The following PIK3CB variants were observed in gnomAD, a reference collection of about 807,000 sequenced individuals.
The protein encoded by PIK3CB is phosphatidylinositol-4,5-bisphosphate 3-kinase catalytic subunit beta.
PIK3CB carries 39 observed loss-of-function variants against 136.8 expected under a neutral mutation model. The ratio of observed to expected loss-of-function variants is 0.29; its 90% confidence interval spans 0.22 to 0.37. PIK3CB has a LOEUF of 0.37. PIK3CB is among the 10% of genes least tolerant of loss of function. The probability of loss-of-function intolerance (pLI) is 1.00; values close to 1 mark genes in which losing one functional copy is unlikely to be tolerated. For synonymous variants in PIK3CB, 428 were observed against 436.6 expected (o/e 0.98, Z 0.25); for missense variants, 868 against 1,275.4 (o/e 0.68, Z 4.87).
At chr3:138,804,746 C>T (rs1270149085) in intron 1 of PIK3CB, among the ~76,000 whole-genome samples, 1 of 152,088 alleles carries the variant, frequency 6.6e-6, no homozygotes, top group Admixed American at 6.6e-5. Flanking sequence ...TCAGTATGGC[C>T]GGGAACGGTG....
At chr3:138,794,474 C>T (rs911943951) in intron 2 of PIK3CB, among the ~76,000 whole-genome samples, 1 of 152,112 alleles carries the variant, frequency 6.6e-6, no homozygotes, top group Admixed American at 6.6e-5. Flanking sequence ...CATGACATGG[C>T]AGGCAGTATG....
intron 20 of PIK3CB, 48 bp downstream of exon 20, chr3:138,664,984 ATTTG>A: frequency 1.5e-6 from 2 of 1,290,350 alleles, no homozygotes; most frequent in Non-Finnish European, 1.1e-6. Context: ...AGCATACAGT[ATTTG>A]TTTGGCTGTT....
At position 138,733,616 on chromosome 3, in the gene PIK3CB, C is replaced by T. The variant is rs557637419; in HGVS notation, c.973-178G>A. On this transcript the variant is annotated intron_variant, in intron 7 of 23. Coordinates refer to ENST00000674063, the MANE Select transcript of PIK3CB (RefSeq NM_006219.3). ...AGCATTGACCGGGCGCGGTGGCTCA[C>T]GCCTGTAATCCCAGCACTTTGGGAG... 1.1e-4 allele frequency among the ~76,000 whole-genome samples: 16 copies of T among 152,270 alleles called. No homozygotes were observed. The South Asian group carries it at 1.4e-3, about 14-fold the overall frequency.
intron 1 of PIK3CB, among the ~76,000 whole-genome samples, chr3:138,801,861 C>CAAAAAA (rs35232938): frequency 5.2e-5 from 3 of 57,288 alleles, no homozygotes; most frequent in Admixed American, 2.4e-4. Context: ...GACTCCATCT[C>CAAAAAA]AAAAAAAAAA....
chr3:138,790,034 T>C (rs1311846915), intron 2 of PIK3CB, among the ~76,000 whole-genome samples: 3 of 152,128 alleles, frequency 2.0e-5, no homozygotes, highest in Non-Finnish European at 4.4e-5. Context: ...TGCTACAAAA[T>C]GAATGAACCT....
chr3:138,691,040 C>A lies in PIK3CB; in HGVS notation c.1996G>T (p.Gly666Cys). ...LSRFLLERAL[G>C]NRRIGQFLFW... The stretch of plus-strand genomic sequence containing the variant: ...AGAAACTGCCCTATCCTCCGATTAC[C>A]AAGTGCTCTTTCTAATAGGAATCTA... The change falls in exon 15 of 24, where the codon GGT (glycine) becomes TGT (cysteine). Residue 666 changes from glycine (G) to cysteine (C), a missense_variant. Gly to Cys is a radical substitution (Grantham distance 159, BLOSUM62 -3). Around this residue, in one of 4 missense-constraint regions of PIK3CB, gnomAD observed 612 missense variants for 801.1 expected, o/e 0.76. Transcript: ENST00000674063. 1 of 1,613,014 alleles carries A rather than the reference C, an allele frequency of 6.2e-7. No individual in the cohort carries two copies. Among genetic ancestry groups the A allele is most frequent in the Non-Finnish European group, 8.5e-7 (1 of 1,179,114 alleles).
intron 15 of PIK3CB, among the ~76,000 whole-genome samples, chr3:138,689,198 G>A (rs1443148106): frequency 2.0e-5 from 3 of 151,750 alleles, no homozygotes; most frequent in African/African-American, 4.8e-5. Context: ...TCCACCCACC[G>A]GGTTCAAGCT....
intron 2 of PIK3CB, among the ~76,000 whole-genome samples, chr3:138,795,172 T>C (rs1308892216): frequency 6.7e-6 from 1 of 150,034 alleles, no homozygotes; most frequent in Non-Finnish European, 1.5e-5. Flanking sequence ...ATACAAAAAT[T>C]AGCCGACCAT....
At chr3:138,738,188 T>C (rs76658786) in intron 5 of PIK3CB, among the ~76,000 whole-genome samples, 5 of 152,144 alleles carry the variant, frequency 3.3e-5, no homozygotes, top group African/African-American at 9.7e-5. Context: ...CTTTTTTTTT[T>C]TGAGACAGAG....
At chr3:138,713,706 T>C (rs953436781) in intron 9 of PIK3CB, among the ~76,000 whole-genome samples, 2 of 151,968 alleles carry the variant, frequency 1.3e-5, no homozygotes, top group Non-Finnish European at 2.9e-5. Flanking sequence ...CAAATTAATA[T>C]ATAGATAAAT....
At chr3:138,691,284 T>A (rs2044002714) in intron 14 of PIK3CB, 141 bp from the exon 15 acceptor site, 3 of 686,306 alleles carry the variant, frequency 4.4e-6, no homozygotes, top group African/African-American at 1.8e-5. Flanking sequence ...TCCTTCACTG[T>A]ACCACTGTTA....
chr3:138,817,504 G>GA (rs1933388976), intron 1 of PIK3CB, among the ~76,000 whole-genome samples: 1 of 152,208 alleles, frequency 6.6e-6, no homozygotes, highest in East Asian at 1.9e-4. Flanking sequence ...CAACAAGAGT[G>GA]AAACTCTATC....
intron 4 of PIK3CB, among the ~76,000 whole-genome samples, chr3:138,748,282 C>T (rs1266214566): frequency 6.6e-6 from 1 of 151,976 alleles, no homozygotes; most frequent in Non-Finnish European, 1.5e-5. Flanking sequence ...ACTAACCCAA[C>T]ACCAATCACA....
intron 1 of PIK3CB, among the ~76,000 whole-genome samples, chr3:138,827,240 C>CA (rs1559894240): frequency 1.3e-5 from 2 of 152,162 alleles, no homozygotes. Context: ...TTCAAAAAGA[C>CA]TAATGATTCA....
At chr3:138,765,241 TGA>T (rs545613505) in intron 2 of PIK3CB, among the ~76,000 whole-genome samples, 65 of 152,190 alleles carry the variant, frequency 4.3e-4, no homozygotes, top group African/African-American at 1.5e-3. Flanking sequence ...TGCTTGAAAC[TGA>T]GAGACGGAAG....
intron 19 of PIK3CB, among the ~76,000 whole-genome samples, chr3:138,666,019 CTGTCAGAAAGGTAAGAAT>C (rs560088060): frequency 3.9e-4 from 60 of 152,310 alleles, no homozygotes; most frequent in African/African-American, 1.4e-3. Context: ...GACTAGTCAT[CTGTCAGAAAGGTAAGAAT>C]TGATATTCTA....
chr3:138,665,436 G>C (rs931324644), intron 19 of PIK3CB, among the ~76,000 whole-genome samples: 1 of 152,134 alleles, frequency 6.6e-6, no homozygotes, highest in Admixed American at 6.5e-5. Context: ...AAAATTTTTT[G>C]TCTAATTATT....
chr3:138,702,985 T>C (rs1016149286), intron 12 of PIK3CB, among the ~76,000 whole-genome samples: 1 of 152,160 alleles, frequency 6.6e-6, no homozygotes, highest in Non-Finnish European at 1.5e-5. Context: ...ATTTAAGCTA[T>C]TAAAATTTGC....
At position 138,660,051 on chromosome 3, in the gene PIK3CB, G is replaced by C. The variant is rs545784658; in HGVS notation, c.2797-2216C>G. Reference sequence around the variant, plus strand: ...CTGGACTGAGTCTCTATTGTTTCTGGATCTTCTCTCTATTTATCATATTTT... The same window carrying C: ...CTGGACTGAGTCTCTATTGTTTCTGCATCTTCTCTCTATTTATCATATTTT... On this transcript the variant is annotated intron_variant, in intron 21 of 23. Coordinates refer to ENST00000674063, the MANE Select transcript of PIK3CB (RefSeq NM_006219.3). Among the ~76,000 whole-genome samples, 71 of 150,864 alleles carry C rather than the reference G, an allele frequency of 4.7e-4. 1 individual carries two copies. The South Asian group carries it at 0.012, about 25-fold the overall frequency.
Sources: allele counts gnomAD v4.1 joint callset (sites outside exome capture counted in the v4.1 genomes callset), GRCh38; gene constraint gnomAD v4.1.1; regional missense constraint gnomAD v4.1.1; transcripts MANE v1.5; gene names NCBI Gene and HGNC (gene_info 2026-07-23, HGNC 2026-07-21).